PLD5: variants seen among roughly 807,000 people sequenced by gnomAD.
The protein encoded by PLD5 is inactive phospholipase D5.
In PLD5, 36 loss-of-function variants were observed where a neutral mutation model predicts 61.1. The ratio of observed to expected loss-of-function variants is 0.59; its 90% CI spans 0.45 to 0.78. The LOEUF is 0.78. PLD5 is among the 30% of genes least tolerant of loss of function. The pLI is 0.00. For missense variants in PLD5, 515 were observed against 644.4 expected, an observed-to-expected ratio of 0.80 and a Z score of 2.17; for synonymous variants, 243 against 242.8, an observed-to-expected ratio of 1.00 and a Z score of -0.01.
chr1:242,422,301 T>A (rs1665189518), intron 1 of PLD5, among the ~76,000 whole-genome samples: 1 of 152,202 alleles, frequency 6.6e-6, no homozygotes, highest in Non-Finnish European at 1.5e-5. Flanking sequence ...GTGTACCCCA[T>A]CTATCAGAAA....
chr1:242,428,595 G>T (rs2102884541), intron 1 of PLD5, among the ~76,000 whole-genome samples: 1 of 152,284 alleles, frequency 6.6e-6, no homozygotes, highest in Middle Eastern at 3.4e-3. Flanking sequence ...GCTCCCAGCT[G>T]CAGGTTATCT....
At chr1:242,507,012 C>A (rs546308231) in intron 1 of PLD5, among the ~76,000 whole-genome samples, 1 of 152,188 alleles carries the variant, frequency 6.6e-6, no homozygotes, top group African/African-American at 2.4e-5. Context: ...GAGAGGTGGC[C>A]CAGGCGGCAG....
intron 1 of PLD5, among the ~76,000 whole-genome samples, chr1:242,406,739 AT>A (rs1347665817): frequency 6.6e-6 from 1 of 152,336 alleles, no homozygotes; most frequent in Admixed American, 6.5e-5. Context: ...ACTTGATGCA[AT>A]TTAAAATTAA....
In PLD5 at chr1:242,386,950, GACT is replaced by G. The variant is rs536981728; in HGVS notation, c.190-38711_190-38709del. Among the ~76,000 whole-genome samples the G allele has an allele frequency of 3.3e-5, 5 of 152,264 alleles. No individual in the cohort carries two copies. In the South Asian group the frequency reaches 1.0e-3, roughly 32 times the overall value. On this transcript the variant is annotated intron_variant, in intron 1 of 9. Transcript: ENST00000536534. ...AAATCAATTTGTCATCACTGGAAGA[GACT>G]GTTACACCAACCCTTTACTCTGAAA...
intron 2 of PLD5, among the ~76,000 whole-genome samples, chr1:242,317,405 C>T (rs1178371675): frequency 6.6e-6 from 1 of 152,172 alleles, no homozygotes; most frequent in Non-Finnish European, 1.5e-5. Context: ...TTTAAATTAT[C>T]TAACACATTC....
intron 5 of PLD5, among the ~76,000 whole-genome samples, chr1:242,157,422 A>T (rs1199006840): frequency 1.3e-5 from 2 of 152,106 alleles, no homozygotes; most frequent in East Asian, 3.9e-4. Flanking sequence ...GTTCCTTTGG[A>T]GGAGAAGAGG....
At chr1:242,409,784 T>C (rs1664444473) in intron 1 of PLD5, among the ~76,000 whole-genome samples, 1 of 152,080 alleles carries the variant, frequency 6.6e-6, no homozygotes, top group South Asian at 2.1e-4. Context: ...TTTTAATATG[T>C]AAAGGAAGGC....
At chr1:242,207,960 A>T (rs866112151) in intron 5 of PLD5, among the ~76,000 whole-genome samples, 528 of 27,276 alleles carry the variant, frequency 0.019, 158 homozygotes, top group African/African-American at 0.094. Flanking sequence ...TTATTTATAT[A>T]TATTTATATA....
At chr1:242,299,906 C>A (rs575012522) in intron 2 of PLD5, among the ~76,000 whole-genome samples, 7 of 152,300 alleles carry the variant, frequency 4.6e-5, no homozygotes, top group Admixed American at 3.3e-4. Flanking sequence ...GGCACCCAGG[C>A]AAAACCCCTG....
At chr1:242,129,602 G>A (rs1051480647) in intron 5 of PLD5, among the ~76,000 whole-genome samples, 4 of 152,188 alleles carry the variant, frequency 2.6e-5, no homozygotes, top group African/African-American at 4.8e-5. Context: ...GATTATTAAA[G>A]GGAAAAGAAG....
At chr1:242,262,091 A>G (rs1475822250) in intron 4 of PLD5, among the ~76,000 whole-genome samples, 1 of 152,232 alleles carries the variant, frequency 6.6e-6, no homozygotes, top group Non-Finnish European at 1.5e-5. Flanking sequence ...CTATCAGTAG[A>G]ACAGATCCAC....
At chr1:242,441,775 C>A (rs1456316762) in intron 1 of PLD5, among the ~76,000 whole-genome samples, 1 of 152,068 alleles carries the variant, frequency 6.6e-6, no homozygotes, top group Non-Finnish European at 1.5e-5. Context: ...CCCAAGAGGT[C>A]TCACCATTGT....
intron 1 of PLD5, among the ~76,000 whole-genome samples, chr1:242,506,698 C>T (rs1668733027): frequency 1.3e-5 from 2 of 152,124 alleles, no homozygotes; most frequent in African/African-American, 4.8e-5. Flanking sequence ...CTCATCTCCA[C>T]AGAAAAACCT....
At chr1:242,110,643 C>T (rs543547923) in intron 7 of PLD5, among the ~76,000 whole-genome samples, 11 of 152,222 alleles carry the variant, frequency 7.2e-5, no homozygotes, top group Admixed American at 5.2e-4. Flanking sequence ...AACCCCATCT[C>T]TACTAAAAAT....
At chr1:242,198,301 A>G (rs1434500803) in intron 5 of PLD5, among the ~76,000 whole-genome samples, 2 of 152,214 alleles carry the variant, frequency 1.3e-5, no homozygotes, top group Non-Finnish European at 2.9e-5. Flanking sequence ...ATTTGGAAGT[A>G]AAAATAAGCA....
chr1:242,498,022 T>C (rs893265292), intron 1 of PLD5, among the ~76,000 whole-genome samples: 2 of 152,202 alleles, frequency 1.3e-5, no homozygotes, highest in African/African-American at 4.8e-5. Context: ...TGGAGTGCAA[T>C]GATGCGATCT....
At chr1:242,323,663 A>T (rs1334680856) in intron 2 of PLD5, among the ~76,000 whole-genome samples, 2 of 152,272 alleles carry the variant, frequency 1.3e-5, no homozygotes, top group Non-Finnish European at 2.9e-5. Context: ...GCCCCCATTC[A>T]GAATTCTGCA....
chr1:242,260,539 A>C (rs1673322517), intron 4 of PLD5, among the ~76,000 whole-genome samples: 1 of 152,072 alleles, frequency 6.6e-6, no homozygotes, highest in Non-Finnish European at 1.5e-5. Context: ...TTTCACTTAC[A>C]CTCCACTTTC....
At chr1:242,258,878 G>A (rs1413388955) in intron 4 of PLD5, among the ~76,000 whole-genome samples, 1 of 152,018 alleles carries the variant, frequency 6.6e-6, no homozygotes, top group East Asian at 1.9e-4. Flanking sequence ...CAGAAACATT[G>A]GACTCTGTGT....
Sources: allele counts gnomAD v4.1 joint callset (sites outside exome capture counted in the v4.1 genomes callset), GRCh38; gene constraint gnomAD v4.1.1; transcripts MANE v1.5; gene names NCBI Gene and HGNC (gene_info 2026-07-23, HGNC 2026-07-21).